Variants in PTPRD observed in about 807,000 individuals in gnomAD.
PTPRD encodes protein tyrosine phosphatase receptor type D.
PTPRD carries 34 observed loss-of-function variants against 214.5 expected under a neutral mutation model. The observed-to-expected ratio is 0.16, with a 90% CI of 0.12 to 0.21. PTPRD has a LOEUF of 0.21. Among genes scored for constraint, PTPRD ranks in the 10% least tolerant of loss-of-function variants. PTPRD has a pLI of 1.00. For missense variants in PTPRD, 2,545 were observed against 2,398.7 expected, an observed-to-expected ratio of 1.06 and a Z score of -1.27; for synonymous variants, 1,128 against 845.7, an observed-to-expected ratio of 1.33 and a Z score of -5.79.
At chr9:8,880,327 T>C (rs990013324) in intron 11 of PTPRD, among the ~76,000 whole-genome samples, 5 of 152,200 alleles carry the variant, frequency 3.3e-5, no homozygotes, top group African/African-American at 1.2e-4. Context: ...TTGGTTTTTC[T>C]GAGGAAGGCT....
intron 33 of PTPRD, among the ~76,000 whole-genome samples, chr9:8,450,730 T>C (rs970616565): frequency 9.9e-5 from 15 of 152,202 alleles, no homozygotes; most frequent in African/African-American, 3.4e-4. Flanking sequence ...GTCAGATCTG[T>C]ATATAAGATT....
intron 5 of PTPRD, among the ~76,000 whole-genome samples, chr9:9,850,319 C>T (rs1300280721): frequency 6.6e-6 from 1 of 152,054 alleles, no homozygotes; most frequent in Non-Finnish European, 1.5e-5. Context: ...TCTGGCTCAT[C>T]ATATAGTAAA....
intron 3 of PTPRD, among the ~76,000 whole-genome samples, chr9:10,220,033 C>T (rs2099560724): frequency 6.6e-6 from 1 of 151,756 alleles, no homozygotes; most frequent in Non-Finnish European, 1.5e-5. Flanking sequence ...AAGGTTTACA[C>T]ACACAGAATA....
At chr9:8,487,380 C>T (rs1182407399) in intron 27 of PTPRD, among the ~76,000 whole-genome samples, 1 of 151,888 alleles carries the variant, frequency 6.6e-6, no homozygotes, top group Non-Finnish European at 1.5e-5. Flanking sequence ...TTGGAATCCA[C>T]AGTGAAAGAC....
chr9:9,373,308 CT>C (rs1207168191), intron 9 of PTPRD, among the ~76,000 whole-genome samples: 2 of 152,002 alleles, frequency 1.3e-5, no homozygotes, highest in African/African-American at 4.8e-5. Flanking sequence ...ATTTAAGTGA[CT>C]TTCTATAATT....
intron 44 of PTPRD, among the ~76,000 whole-genome samples, chr9:8,321,479 GTGTGTGTGTATATATATATATATATA>G (rs1433792952): frequency 0.017 from 998 of 58,126 alleles, 37 homozygotes; most frequent in African/African-American, 0.069. Context: ...GTGTGTGTGT[GTGTGTGTGTATATATATATATATATA>G]TATATATATA....
At chr9:9,696,316 C>A (rs185622614) in intron 7 of PTPRD, among the ~76,000 whole-genome samples, 264 of 152,186 alleles carry the variant, frequency 1.7e-3, no homozygotes, top group African/African-American at 6.1e-3. Flanking sequence ...TAGTTAGGCC[C>A]ATTTGGTCTA....
At chr9:8,725,875 A>T (rs1333645145) in intron 12 of PTPRD, among the ~76,000 whole-genome samples, 2 of 152,124 alleles carry the variant, frequency 1.3e-5, no homozygotes, top group Non-Finnish European at 2.9e-5. Context: ...CCGAGAGACA[A>T]AGTCTGAGAA....
intron 12 of PTPRD, among the ~76,000 whole-genome samples, chr9:8,666,608 T>A (rs1042864094): frequency 6.6e-6 from 1 of 152,172 alleles, no homozygotes; most frequent in African/African-American, 2.4e-5. Context: ...TCTAAGACAA[T>A]TGGAAGAGAA....
At chr9:9,223,298 A>C (rs1383252011) in intron 9 of PTPRD, among the ~76,000 whole-genome samples, 1 of 151,962 alleles carries the variant, frequency 6.6e-6, no homozygotes, top group Non-Finnish European at 1.5e-5. Flanking sequence ...CAGAAGTGTG[A>C]TTATTTCATG....
intron 3 of PTPRD, among the ~76,000 whole-genome samples, chr9:10,054,606 T>C (rs2097588523): frequency 6.6e-6 from 1 of 152,142 alleles, no homozygotes; most frequent in South Asian, 2.1e-4. Context: ...AGCCATTCCT[T>C]TGAAATGGTA....
At chr9:10,435,906 C>T (rs769755489) in intron 2 of PTPRD, among the ~76,000 whole-genome samples, 1 of 151,686 alleles carries the variant, frequency 6.6e-6, no homozygotes, top group Non-Finnish European at 1.5e-5. Flanking sequence ...GCTGCCTTTG[C>T]TTTTCATGTT....
At chr9:9,472,765 A>G (rs1197491061) in intron 8 of PTPRD, among the ~76,000 whole-genome samples, 1 of 152,200 alleles carries the variant, frequency 6.6e-6, no homozygotes, top group Non-Finnish European at 1.5e-5. Context: ...CTTAATCGGC[A>G]TAAAATCCTA....
chr9:10,417,558 T>G (rs1372217274), intron 2 of PTPRD, among the ~76,000 whole-genome samples: 1 of 151,810 alleles, frequency 6.6e-6, no homozygotes, highest in Non-Finnish European at 1.5e-5. Context: ...AATATTATAG[T>G]TAATAAGCAT....
chr9:8,327,946 G>T (rs551834809), intron 44 of PTPRD, among the ~76,000 whole-genome samples: 1,588 of 142,714 alleles, frequency 0.011, 11 homozygotes, highest in Middle Eastern at 0.02. Flanking sequence ...ACAGCACACT[G>T]ATGGGTCTTC....
intron 12 of PTPRD, among the ~76,000 whole-genome samples, chr9:8,670,796 G>C (rs1264323024): frequency 6.6e-6 from 1 of 152,202 alleles, no homozygotes; most frequent in African/African-American, 2.4e-5. Context: ...GATGACCACT[G>C]GGTATGTGAA....
At chr9:8,661,465 G>C (rs142276822) in intron 12 of PTPRD, among the ~76,000 whole-genome samples, 2 of 152,028 alleles carry the variant, frequency 1.3e-5, no homozygotes, top group African/African-American at 4.8e-5. Flanking sequence ...GTATTCCAAA[G>C]GGAAATTTTA....
At chr9:9,724,292 G>T (rs544103846) in intron 7 of PTPRD, among the ~76,000 whole-genome samples, 2 of 152,198 alleles carry the variant, frequency 1.3e-5, no homozygotes, top group African/African-American at 4.8e-5. Context: ...GTCAATATTT[G>T]AAATAGTCAT....
chr9:10,570,433 A>T (rs996522146), intron 2 of PTPRD, among the ~76,000 whole-genome samples: 3 of 152,168 alleles, frequency 2.0e-5, no homozygotes, highest in Non-Finnish European at 4.4e-5. Context: ...AAATAAGGCA[A>T]CATAATTACT....
Sources: gnomAD v4.1 joint callset for allele counts (sites outside exome capture counted in the v4.1 genomes callset) on GRCh38, gnomAD v4.1.1 for gene constraint, MANE v1.5 for transcripts, NCBI Gene and HGNC (gene_info 2026-07-23, HGNC 2026-07-21) for gene names.